Variants in ESYT2 observed in about 807,000 individuals in gnomAD.
ESYT2 encodes the protein extended synaptotagmin-2.
Under a neutral mutation model 107.2 loss-of-function variants are expected in ESYT2, and 54 were observed. The observed-to-expected ratio is 0.50, with a 90% CI of 0.40 to 0.63. The LOEUF is 0.63. Ranked by LOEUF, ESYT2 falls within the 30% of genes least tolerant of loss-of-function variation. The pLI is 0.00. For synonymous variants in ESYT2, 491 were observed against 434.1 expected (o/e 1.13, Z -1.63); for missense variants, 1,020 against 1,094.5 (o/e 0.93, Z 0.96).
Position 158,767,498 on chromosome 7 carries a change from G to A in ESYT2, c.924+156C>T, listed in dbSNP as rs3750057. Among the ~76,000 whole-genome samples the A allele has an allele frequency of 3.1e-4, 47 of 152,314 alleles. No individual in the cohort carries two copies. The East Asian group carries it at 8.9e-3, about 29-fold the overall frequency. ...GCGCACATCAGTCAAGTCTCTTAAG[G>A]AAAGTGACGGACAACCAATAGTCAA... On this transcript the variant is annotated intron_variant, in intron 8 of 22. Coordinates refer to ENST00000275418, the MANE Select transcript of ESYT2 (RefSeq NM_001367773.1).
At chr7:158,775,578 G>A (rs1838534034) in intron 6 of ESYT2, among the ~76,000 whole-genome samples, 1 of 152,180 alleles carries the variant, frequency 6.6e-6, no homozygotes, top group African/African-American at 2.4e-5. Context: ...GTCATAAGAA[G>A]CAATTTCTCG....
chr7:158,767,887 G>A (rs1838217966), intron 7 of ESYT2, 113 bp from the exon 8 acceptor site: 2 of 1,278,586 alleles, frequency 1.6e-6, no homozygotes, highest in Admixed American at 5.2e-5. Context: ...TATTTACAGA[G>A]TAGGAGTTAT....
intron 1 of ESYT2, among the ~76,000 whole-genome samples, chr7:158,811,020 C>T (rs985082297): frequency 5.1e-5 from 7 of 136,606 alleles, no homozygotes; most frequent in South Asian, 2.5e-4. Flanking sequence ...AGGGGTAAGG[C>T]GCAGTGGCTC....
chr7:158,813,847 G>A (rs1402396559), intron 1 of ESYT2, among the ~76,000 whole-genome samples: 1 of 145,706 alleles, frequency 6.9e-6, no homozygotes, highest in African/African-American at 2.6e-5. Flanking sequence ...TCCTCGTCCC[G>A]ATGACTCTCA....
chr7:158,762,246 CT>C (rs1837996819), intron 10 of ESYT2, among the ~76,000 whole-genome samples: 1 of 152,204 alleles, frequency 6.6e-6, no homozygotes, highest in Admixed American at 6.5e-5. Context: ...CGCCTTCTCT[CT>C]GTCCTGGTCT....
At chr7:158,742,160 A>G (rs35535423) in intron 17 of ESYT2, among the ~76,000 whole-genome samples, 36,019 of 152,010 alleles carry the variant, frequency 0.24, 5,153 homozygotes, top group East Asian at 0.59. Flanking sequence ...GCACTACACC[A>G]CAAGCTCCTG....
At chr7:158,811,017 A>C (rs373198961) in intron 1 of ESYT2, among the ~76,000 whole-genome samples, 26 of 126,576 alleles carry the variant, frequency 2.1e-4, no homozygotes, top group African/African-American at 7.2e-4. Flanking sequence ...AAAAGGGGTA[A>C]GGCGCAGTGG....
intron 3 of ESYT2, among the ~76,000 whole-genome samples, chr7:158,797,599 T>C (rs550881041): frequency 6.6e-6 from 1 of 152,182 alleles, no homozygotes; most frequent in East Asian, 1.9e-4. Flanking sequence ...CTCACACCTG[T>C]AGTCCCAGCA....
At chr7:158,792,108 T>C (rs995941324) in intron 4 of ESYT2, among the ~76,000 whole-genome samples, 11 of 152,028 alleles carry the variant, frequency 7.2e-5, no homozygotes, top group Non-Finnish European at 1.3e-4. Flanking sequence ...TTTTAGTGTG[T>C]TCACTTTGTA....
intron 15 of ESYT2, among the ~76,000 whole-genome samples, chr7:158,749,137 T>G (rs552697570): frequency 1.3e-5 from 2 of 152,134 alleles, no homozygotes; most frequent in Middle Eastern, 3.2e-3. Flanking sequence ...GACAGAGTCT[T>G]GCTCTGTCAC....
chr7:158,774,170 G>A (rs1838470654), intron 6 of ESYT2, among the ~76,000 whole-genome samples: 1 of 152,200 alleles, frequency 6.6e-6, no homozygotes, highest in Non-Finnish European at 1.5e-5. Context: ...AAAATTGCAT[G>A]ATCTCAATCA....
chr7:158,765,166 C>T (rs537527316), intron 8 of ESYT2, among the ~76,000 whole-genome samples: 2 of 152,134 alleles, frequency 1.3e-5, no homozygotes, highest in East Asian at 1.9e-4. Flanking sequence ...AGCCCCAGAG[C>T]GCGCTCCTGG....
At chr7:158,742,631 G>T (rs1464365932) in intron 17 of ESYT2, among the ~76,000 whole-genome samples, 3 of 152,224 alleles carry the variant, frequency 2.0e-5, no homozygotes, top group Non-Finnish European at 4.4e-5. Flanking sequence ...TTCCCGCAGG[G>T]CCTGGGGTCT....
intron 1 of ESYT2, among the ~76,000 whole-genome samples, chr7:158,821,453 T>C (rs1840283016): frequency 6.6e-6 from 1 of 152,258 alleles, no homozygotes; most frequent in Admixed American, 6.5e-5. Flanking sequence ...GTATACTGCA[T>C]TACACAGTAG....
intron 8 of ESYT2, among the ~76,000 whole-genome samples, chr7:158,765,413 T>C (rs1489579658): frequency 1.3e-5 from 2 of 152,196 alleles, no homozygotes; most frequent in Non-Finnish European, 2.9e-5. Flanking sequence ...AACTGCAACT[T>C]TGAAATATGT....
intron 4 of ESYT2, among the ~76,000 whole-genome samples, chr7:158,791,325 G>A (rs1262995574): frequency 6.6e-6 from 1 of 152,172 alleles, no homozygotes. Flanking sequence ...TCCATTCATC[G>A]GCCCACGCAT....
At chr7:158,791,761 T>C (rs1052585964) in intron 4 of ESYT2, among the ~76,000 whole-genome samples, 4 of 152,238 alleles carry the variant, frequency 2.6e-5, no homozygotes, top group Non-Finnish European at 5.9e-5. Flanking sequence ...CATTTTTGAA[T>C]AGGGCTGTTT....
intron 1 of ESYT2, 147 bp downstream of exon 1, chr7:158,828,942 G>A: frequency 7.4e-7 from 1 of 1,349,588 alleles, no homozygotes; most frequent in Non-Finnish European, 9.6e-7. Flanking sequence ...ACCGGGGTGG[G>A]TGGGGGACTA....
chr7:158,783,048 C>T (rs773860918), intron 6 of ESYT2, among the ~76,000 whole-genome samples: 31 of 152,196 alleles, frequency 2.0e-4, no homozygotes, highest in Non-Finnish European at 2.4e-4. Context: ...ACACGTGCCT[C>T]AGGATGCTGG....
Sources: allele counts gnomAD v4.1 joint callset (sites outside exome capture counted in the v4.1 genomes callset), GRCh38; gene constraint gnomAD v4.1.1; transcripts MANE v1.5; gene names NCBI Gene and HGNC (gene_info 2026-07-23, HGNC 2026-07-21).